The following LONP2 variants were observed in gnomAD, a reference collection of about 807,000 sequenced individuals.
LONP2 encodes lon peptidase 2, peroxisomal.
LONP2 carries 60 observed loss-of-function variants against 85.6 expected under a neutral mutation model. That is an observed-to-expected ratio of 0.70 (90% CI 0.57 to 0.87). LONP2 has a LOEUF of 0.87. Ranked by LOEUF, LONP2 falls within the 40% of genes least tolerant of loss-of-function variation. The probability of loss-of-function intolerance (pLI) is 0.00; values close to 1 mark genes in which losing one functional copy is unlikely to be tolerated. For synonymous variants in LONP2, 395 were observed against 389.7 expected (o/e 1.01, Z -0.16); for missense variants, 860 against 1,063.5 (o/e 0.81, Z 2.66).
intron 9 of LONP2, among the ~76,000 whole-genome samples, chr16:48,299,446 G>C (rs1407697395): frequency 6.6e-6 from 1 of 151,906 alleles, no homozygotes; most frequent in Non-Finnish European, 1.5e-5. Context: ...AGCCAGCGTG[G>C]TTGTGCATGC....
intron 11 of LONP2, among the ~76,000 whole-genome samples, chr16:48,306,269 C>G (rs1596968677): frequency 6.6e-6 from 1 of 152,088 alleles, no homozygotes; most frequent in African/African-American, 2.4e-5. Context: ...AATTCAATGT[C>G]AAAGGAAACT....
At chr16:48,296,284 G>C in intron 9 of LONP2, 119 bp downstream of exon 9, 3 of 1,116,294 alleles carry the variant, frequency 2.7e-6, no homozygotes, top group Non-Finnish European at 3.8e-6. Context: ...ATCTTCAGAA[G>C]TTCTGAGGAA....
rs561871960 is a variant in LONP2, at chr16:48,294,804, A to G, written c.1384-1211A>G. On this transcript the variant is annotated intron_variant, in intron 8 of 14. Transcript: ENST00000285737. ...TTTGAAAATAAGTAAAACTTCAGAAAGAATCAGAAGGTAGGAAAAACTGCT... is the reference window on the plus strand; with the variant it reads ...TTTGAAAATAAGTAAAACTTCAGAAGGAATCAGAAGGTAGGAAAAACTGCT... Among the ~76,000 whole-genome samples, 3 of 152,368 alleles carry G rather than the reference A, an allele frequency of 2.0e-5. No individual in the cohort carries two copies. The East Asian group carries it at 5.8e-4, about 29-fold the overall frequency.
Position 48,244,457 on chromosome 16 carries a change from G to C in LONP2, c.69G>C (p.Leu23=), listed in dbSNP as rs748219137. The C allele has an allele frequency of 8.1e-6, 13 of 1,596,558 alleles. No individual in the cohort carries two copies. The South Asian group carries it at 1.5e-4, about 18-fold the overall frequency. The change falls in exon 1 of 15, where the codon CTG becomes CTC. Residue 23 remains leucine (L), a synonymous_variant. Transcript: ENST00000285737. ...LPLLLTHEGV[L]LPGSTMRTSV... ...TGCTGCTCACCCACGAGGGCGTCCT[G>C]CTGCCCGGCTCCACCATGCGCACCA...
chr16:48,330,898 C>G (rs997059064), intron 11 of LONP2, among the ~76,000 whole-genome samples: 1 of 152,162 alleles, frequency 6.6e-6, no homozygotes, highest in Admixed American at 6.5e-5. Context: ...CTCCCAACCC[C>G]ACTCCCCCAG....
chr16:48,301,746 A>G (rs1257661602), intron 10 of LONP2, among the ~76,000 whole-genome samples: 3 of 152,144 alleles, frequency 2.0e-5, no homozygotes, highest in African/African-American at 4.8e-5. Flanking sequence ...ACTTTTCTAT[A>G]ATTTTCTTCT....
intron 8 of LONP2, among the ~76,000 whole-genome samples, chr16:48,281,887 G>T (rs1433954198): frequency 6.6e-6 from 1 of 152,196 alleles, no homozygotes; most frequent in Non-Finnish European, 1.5e-5. Flanking sequence ...GTCAAAGAAT[G>T]TCAGAAGAGA....
At chr16:48,273,595 C>T (rs1972147860) in intron 7 of LONP2, among the ~76,000 whole-genome samples, 1 of 151,980 alleles carries the variant, frequency 6.6e-6, no homozygotes, top group Non-Finnish European at 1.5e-5. Context: ...CTTTGTAAGC[C>T]ACAAAATACT....
At chr16:48,261,655 A>C in intron 5 of LONP2, 68 bp downstream of exon 5, 2 of 1,189,242 alleles carry the variant, frequency 1.7e-6, no homozygotes, top group Non-Finnish European at 2.3e-6. Context: ...CACCACTTTC[A>C]CTACTCTTTT....
At chr16:48,329,637 A>G (rs1478282617) in intron 11 of LONP2, among the ~76,000 whole-genome samples, 2 of 152,346 alleles carry the variant, frequency 1.3e-5, no homozygotes, top group Admixed American at 1.3e-4. Context: ...CATTTCAGGT[A>G]TCCACCGTGG....
rs1262513107 is a variant in LONP2 at position 48,355,998 on chromosome 16, GT to G, written c.*4201del. On this transcript the variant is annotated 3_prime_UTR_variant, in exon 15 of 15. Coordinates refer to ENST00000285737, the MANE Select transcript of LONP2 (RefSeq NM_031490.5). The stretch of plus-strand genomic sequence containing the variant: ...TACACTGTCCACTGGAGACATCCAT[GT>G]TTTTACTTGGCTCTGCCCCTTTAGT... 6.6e-6 allele frequency: 1 copy of G among 152,210 alleles called. No individual in the cohort carries two copies. Among genetic ancestry groups the G allele is most frequent in the African/African-American group, 2.4e-5 (1 of 41,450 alleles). 9.4% of individuals were successfully genotyped at this position (152,210 alleles called of 1,614,324 possible).
In LONP2 at chr16:48,303,298, G is replaced by C. The variant is rs750205294; in HGVS notation, c.1788G>C (p.Glu596Asp). The C allele has an allele frequency of 6.2e-7, 1 of 1,613,134 alleles. No individual in the cohort carries two copies. The highest frequency in any genetic ancestry group is 1.1e-5 in the South Asian group (1 of 91,056). The part of the protein sequence containing the change: ...EAKLDRSDVT[E>D]REGCREHILE... ...AGTTGGACCGTTCTGATGTGACTGA[G>C]AGAGAAGGTTGGTGACCTTGTTCTG... Residue 596 changes from glutamate (E) to aspartate (D), a missense_variant, in exon 11 of 15, where the codon GAG becomes GAC. Coordinates refer to ENST00000285737, the MANE Select transcript of LONP2 (RefSeq NM_031490.5).
At chr16:48,256,792 A>G (rs896956108) in intron 3 of LONP2, 51 bp downstream of exon 3, 4 of 1,567,532 alleles carry the variant, frequency 2.6e-6, no homozygotes, top group Non-Finnish European at 3.5e-6. Flanking sequence ...TTTTATTGAG[A>G]TCTAGATAGT....
Position 48,353,479 on chromosome 16 carries a change from AGAGT to A in LONP2, c.*1681_*1684del, listed in dbSNP as rs1225614425. On this transcript the variant is annotated 3_prime_UTR_variant, in exon 15 of 15. Coordinates refer to ENST00000285737, the MANE Select transcript of LONP2 (RefSeq NM_031490.5). Reference sequence around the variant, plus strand: ...ACTGCACTCCAGCACCCTGGGCGACAGAGTGAGACCCTGTCTCAAAAAAAAAAAA... The same window carrying A: ...ACTGCACTCCAGCACCCTGGGCGACAGAGACCCTGTCTCAAAAAAAAAAAA... 1 of 145,560 alleles carries A rather than the reference AGAGT, an allele frequency of 6.9e-6. No individual in the cohort carries two copies. Among genetic ancestry groups the A allele is most frequent in the Non-Finnish European group, 1.5e-5 (1 of 67,426 alleles). 9.0% of individuals were successfully genotyped at this position (145,560 alleles called of 1,614,324 possible). A position where few individuals can be genotyped will look rare whatever the true frequency, so the allele number is the denominator to read the frequency against.
chr16:48,268,390 A>G (rs59174783), intron 6 of LONP2, among the ~76,000 whole-genome samples: 2,090 of 152,260 alleles, frequency 0.014, 48 homozygotes, highest in African/African-American at 0.048. Flanking sequence ...TGGATAACGC[A>G]TTATAACAAG....
intron 7 of LONP2, among the ~76,000 whole-genome samples, chr16:48,274,142 A>G (rs1972157861): frequency 6.6e-6 from 1 of 152,152 alleles, no homozygotes; most frequent in Non-Finnish European, 1.5e-5. Flanking sequence ...ACTTAGGTTT[A>G]TTTTAAGGCC....
chr16:48,345,758 T>G (rs1959943840), intron 12 of LONP2: 1 of 152,156 alleles, frequency 6.6e-6, no homozygotes, highest in African/African-American at 2.4e-5. Context: ...TGAAAATAAG[T>G]GCTCGGCCAG....
chr16:48,305,293 C>T (rs767168513), intron 11 of LONP2, among the ~76,000 whole-genome samples: 14 of 152,126 alleles, frequency 9.2e-5, no homozygotes, highest in Admixed American at 2.0e-4. Context: ...CTCGCTCTGT[C>T]GTCCAGGCTG....
At chr16:48,250,096 G>A (rs1971595228) in intron 1 of LONP2, among the ~76,000 whole-genome samples, 1 of 151,812 alleles carries the variant, frequency 6.6e-6, no homozygotes, top group South Asian at 2.1e-4. Flanking sequence ...GGAGGCTGAG[G>A]CACGAGAATC....
Sources: gnomAD v4.1 joint callset for allele counts (sites outside exome capture counted in the v4.1 genomes callset) on GRCh38, gnomAD v4.1.1 for gene constraint, MANE v1.5 for transcripts, NCBI Gene and HGNC (gene_info 2026-07-23, HGNC 2026-07-21) for gene names.